Variants in THSD7B observed in about 807,000 individuals in gnomAD.
The protein encoded by THSD7B is thrombospondin type-1 domain-containing protein 7B.
Under a neutral mutation model 213.6 loss-of-function variants are expected in THSD7B, and 138 were observed. The observed-to-expected ratio is 0.65, with a 90% CI of 0.56 to 0.74. The LOEUF (loss-of-function observed/expected upper bound fraction) is 0.74. THSD7B is among the 30% of genes least tolerant of loss of function. The probability of loss-of-function intolerance (pLI) is 0.00; values close to 1 mark genes in which losing one functional copy is unlikely to be tolerated. For missense variants in THSD7B, 1,931 were observed against 1,991.5 expected, an observed-to-expected ratio of 0.97 and a Z score of 0.58; for synonymous variants, 742 against 687.0, an observed-to-expected ratio of 1.08 and a Z score of -1.25.
intron 7 of THSD7B, among the ~76,000 whole-genome samples, chr2:137,224,957 A>C (rs904479831): frequency 2.0e-5 from 3 of 152,012 alleles, no homozygotes; most frequent in Admixed American, 6.6e-5. Flanking sequence ...TATTGCTATT[A>C]TTTCTTATCT....
At chr2:137,581,189 G>A (rs974155052) in intron 17 of THSD7B, among the ~76,000 whole-genome samples, 14 of 152,042 alleles carry the variant, frequency 9.2e-5, no homozygotes, top group African/African-American at 3.4e-4. Context: ...TCTACTAAAT[G>A]CTTTTTATTA....
chr2:137,129,393 A>C (rs1688686467), intron 5 of THSD7B, among the ~76,000 whole-genome samples: 1 of 151,046 alleles, frequency 6.6e-6, no homozygotes. Context: ...TTCTTAAAGG[A>C]GTTTTGTTCT....
At chr2:137,433,417 C>G (rs1021536687) in intron 14 of THSD7B, among the ~76,000 whole-genome samples, 8 of 151,462 alleles carry the variant, frequency 5.3e-5, no homozygotes, top group Admixed American at 5.3e-4. Context: ...AGTGCAGTGG[C>G]GTGATCTCTG....
intron 17 of THSD7B, among the ~76,000 whole-genome samples, chr2:137,582,909 C>A (rs1451865742): frequency 6.6e-6 from 1 of 152,180 alleles, no homozygotes; most frequent in East Asian, 1.9e-4. Flanking sequence ...CCTGAGGAAT[C>A]ACCACACTCT....
intron 12 of THSD7B, among the ~76,000 whole-genome samples, chr2:137,327,157 TCCCTGATTTAAAGCGCAAG>T (rs1170098502): frequency 6.6e-6 from 1 of 152,188 alleles, no homozygotes; most frequent in Admixed American, 6.5e-5. Flanking sequence ...TCTATTGAAG[TCCCTGATTTAAAGCGCAAG>T]CCTGTTTTAG....
At chr2:136,996,041 T>C (rs1685880666) in intron 2 of THSD7B, among the ~76,000 whole-genome samples, 2 of 152,228 alleles carry the variant, frequency 1.3e-5, no homozygotes, top group Non-Finnish European at 2.9e-5. Context: ...CATAACATTT[T>C]GTATCTTTGA....
At chr2:137,066,178 A>T (rs1393284908) in intron 3 of THSD7B, among the ~76,000 whole-genome samples, 1 of 142,792 alleles carries the variant, frequency 7.0e-6, no homozygotes, top group Non-Finnish European at 1.5e-5. Context: ...ATTTAGGTTG[A>T]TGAGTTTTCA....
At chr2:137,477,975 A>G (rs1300321626) in intron 15 of THSD7B, among the ~76,000 whole-genome samples, 1 of 151,950 alleles carries the variant, frequency 6.6e-6, no homozygotes, top group Non-Finnish European at 1.5e-5. Context: ...AGATTCCCTT[A>G]TAAGTAGCTA....
intron 1 of THSD7B, among the ~76,000 whole-genome samples, chr2:136,789,444 G>A (rs980367744): frequency 2.0e-5 from 3 of 151,834 alleles, no homozygotes; most frequent in Non-Finnish European, 2.9e-5. Flanking sequence ...AGGGTAATTG[G>A]CATATCTACC....
intron 7 of THSD7B, among the ~76,000 whole-genome samples, chr2:137,209,743 G>A (rs1273071721): frequency 1.3e-5 from 2 of 151,726 alleles, no homozygotes; most frequent in Non-Finnish European, 2.9e-5. Context: ...TTTAAGAAAT[G>A]CTAATGCATT....
intron 17 of THSD7B, among the ~76,000 whole-genome samples, chr2:137,614,345 T>A (rs1682343328): frequency 6.6e-6 from 1 of 152,144 alleles, no homozygotes; most frequent in Admixed American, 6.6e-5. Context: ...ATAAGTGAAT[T>A]GTTCAAGGTT....
intron 2 of THSD7B, among the ~76,000 whole-genome samples, chr2:136,899,434 CAT>C (rs1684026062): frequency 1.3e-5 from 2 of 152,316 alleles, no homozygotes; most frequent in African/African-American, 4.8e-5. Flanking sequence ...CTTCTGGGAA[CAT>C]GTGTCCAATT....
chr2:137,425,251 C>T (rs769334561), intron 14 of THSD7B, among the ~76,000 whole-genome samples: 3 of 151,710 alleles, frequency 2.0e-5, no homozygotes, highest in Non-Finnish European at 4.4e-5. Flanking sequence ...GAGTCTTGCT[C>T]TGTTGCTGGG....
At chr2:137,437,945 G>A (rs970976373) in intron 14 of THSD7B, among the ~76,000 whole-genome samples, 3 of 151,992 alleles carry the variant, frequency 2.0e-5, no homozygotes, top group Non-Finnish European at 4.4e-5. Context: ...ATCATTTTGG[G>A]GAAGACTTGA....
At chr2:137,081,412 ACTTTC>A (rs1185754743) in intron 3 of THSD7B, among the ~76,000 whole-genome samples, 1 of 151,780 alleles carries the variant, frequency 6.6e-6, no homozygotes, top group Non-Finnish European at 1.5e-5. Flanking sequence ...TATTTTTGGT[ACTTTC>A]CTTTAATGTT....
intron 12 of THSD7B, among the ~76,000 whole-genome samples, chr2:137,291,082 GCTCT>G (rs1208659859): frequency 6.6e-6 from 1 of 151,996 alleles, no homozygotes; most frequent in Non-Finnish European, 1.5e-5. Context: ...GTCTCTAACT[GCTCT>G]CTCTCATATC....
At chr2:137,443,818 A>G (rs1687471388) in intron 14 of THSD7B, among the ~76,000 whole-genome samples, 1 of 152,116 alleles carries the variant, frequency 6.6e-6, no homozygotes, top group African/African-American at 2.4e-5. Flanking sequence ...TGGATGTAAT[A>G]TAATTTAATA....
chr2:136,923,776 T>G (rs1684476498), intron 2 of THSD7B, among the ~76,000 whole-genome samples: 1 of 152,188 alleles, frequency 6.6e-6, no homozygotes, highest in African/African-American at 2.4e-5. Context: ...TAAATTCAAG[T>G]TCTTTACCTA....
At chr2:137,108,277 T>A (rs188466509) in intron 4 of THSD7B, among the ~76,000 whole-genome samples, 67 of 152,368 alleles carry the variant, frequency 4.4e-4, no homozygotes, top group African/African-American at 1.6e-3. Context: ...CAAGCCTTTA[T>A]GAAAGTGATA....
Sources: allele counts gnomAD v4.1 joint callset (sites outside exome capture counted in the v4.1 genomes callset), GRCh38; gene constraint gnomAD v4.1.1; transcripts MANE v1.5; gene names NCBI Gene and HGNC (gene_info 2026-07-23, HGNC 2026-07-21).